GMPR2: variants seen among roughly 807,000 people sequenced by gnomAD.
GMPR2 encodes GMP reductase 2.
GMPR2 carries 32 observed loss-of-function variants against 38.5 expected under a neutral mutation model. The ratio of observed to expected loss-of-function variants is 0.83; its 90% CI spans 0.63 to 1.12. The LOEUF (loss-of-function observed/expected upper bound fraction) is 1.12, where lower values mean the gene tolerates loss of function less well. Among genes scored for constraint, GMPR2 ranks in the 50% most tolerant of loss-of-function variants. The pLI, the probability that GMPR2 is intolerant of heterozygous loss-of-function variation, is 0.00. For synonymous variants in GMPR2, 154 were observed against 151.0 expected (o/e 1.02, Z -0.15); for missense variants, 396 against 432.1 (o/e 0.92, Z 0.74).
intron 5 of GMPR2, among the ~76,000 whole-genome samples, chr14:24,236,465 T>A (rs890969300): frequency 3.3e-5 from 5 of 151,998 alleles, no homozygotes; most frequent in Non-Finnish European, 5.9e-5. Flanking sequence ...TAAAAAGGGG[T>A]CACATGAATA....
chr14:24,234,025 T>A (rs2040213569), intron 3 of GMPR2: 6 of 1,076,176 alleles, frequency 5.6e-6, no homozygotes, highest in African/African-American at 1.6e-5. Flanking sequence ...GAGAAGCAGC[T>A]TATTAATTTT....
upstream of GMPR2, chr14:24,232,920 T>A: frequency 2.3e-6 from 1 of 439,574 alleles, no homozygotes. Flanking sequence ...TTCGTTCCCC[T>A]AAATCAGCCT....
intron 7 of GMPR2, 61 bp downstream of exon 7, chr14:24,237,412 A>T: frequency 2.4e-5 from 35 of 1,475,922 alleles, no homozygotes; most frequent in Non-Finnish European, 3.1e-5. Context: ...GAGGTGGCAG[A>T]GATGGATTAG....
chr14:24,237,364 G>A lies in GMPR2; in HGVS notation c.654+13G>A, dbSNP rs1179745907. On this transcript the variant is annotated intron_variant, in intron 7 of 9. Transcript: ENST00000399440. Reference sequence around the variant, plus strand: ...CCACATCATTTCAGTAAGGCTCAAGGGCAGGGTAGGGTATGAGCGGGGTTT... The same window carrying A: ...CCACATCATTTCAGTAAGGCTCAAGAGCAGGGTAGGGTATGAGCGGGGTTT... 6.5e-7 allele frequency: 1 copy of A among 1,545,170 alleles called. No homozygotes were observed. Among genetic ancestry groups the A allele is most frequent in the South Asian group, 1.1e-5 (1 of 89,628 alleles).
chr14:24,233,607 T>G lies in GMPR2; in HGVS notation c.207+9T>G, dbSNP rs535430648. The G allele has an allele frequency of 2.5e-6, 4 of 1,614,116 alleles. No individual in the cohort carries two copies. The South Asian group carries it at 3.3e-5, about 13-fold the overall frequency. On this transcript the variant is annotated intron_variant, in intron 3 of 9. Transcript: ENST00000399440. ...CCAAGGTTCTCTGTAAGGTAGGGCT[T>G]TCCTCATGCCCCATCCCTATTGGTG... is the stretch of plus-strand genomic sequence containing the variant.
Position 24,233,517 on chromosome 14 carries a change from G to A in GMPR2, c.126G>A (p.Lys42=), listed in dbSNP as rs1230595375. The A allele has an allele frequency of 6.2e-7, 1 of 1,614,076 alleles. No individual in the cohort carries two copies. The highest frequency in any genetic ancestry group is 1.1e-5 in the South Asian group (1 of 91,084). ...GATCCTTTTCATTTCGGAACTCAAA[G>A]CAGACATACTCTGGGGTTCCCATCA... The part of the protein sequence containing the change: ...LTRSFSFRNS[K]QTYSGVPIIA... The change falls in exon 3 of 10, where the codon AAG becomes AAA. Residue 42 remains lysine, a synonymous_variant. Coordinates refer to ENST00000399440, the MANE Select transcript of GMPR2 (RefSeq NM_001002002.3).
At chr14:24,233,423 A>G in intron 2 of GMPR2, 56 bp from the exon 3 acceptor site, 1 of 1,608,920 alleles carries the variant, frequency 6.2e-7, no homozygotes, top group Non-Finnish European at 8.5e-7. Context: ...TCCTTGTCCT[A>G]ATATGGTACG....
intron 8 of GMPR2, 24 bp downstream of exon 8, chr14:24,237,586 G>A: frequency 1.9e-6 from 3 of 1,607,358 alleles, no homozygotes; most frequent in Admixed American, 1.7e-5. Context: ...GGGCACAGAA[G>A]GATGATTCTA....
chr14:24,238,533 T>C, intron 9 of GMPR2, 56 bp from the exon 10 acceptor site: 1 of 1,613,934 alleles, frequency 6.2e-7, no homozygotes, highest in Non-Finnish European at 8.5e-7. Flanking sequence ...TGTGGAAAAG[T>C]CCCTGGGCTT....
At chr14:24,237,996 G>A in intron 8 of GMPR2, 1 of 489,284 alleles carries the variant, frequency 2.0e-6, no homozygotes, top group Non-Finnish European at 3.6e-6. Context: ...AACAGCAAAA[G>A]GAGAAAGCAA....
At chr14:24,235,689 C>A (rs141394773) in intron 3 of GMPR2, 48 bp from the exon 4 acceptor site, 3 of 1,241,384 alleles carry the variant, frequency 2.4e-6, no homozygotes, top group South Asian at 1.2e-5. Flanking sequence ...AGAAAAGAGA[C>A]CTTAATAAAG....
At chr14:24,233,157 C>A in intron 1 of GMPR2, 62 bp from the exon 2 acceptor site, 1 of 1,608,402 alleles carries the variant, frequency 6.2e-7, no homozygotes, top group Non-Finnish European at 8.5e-7. Flanking sequence ...GAGAGGCCAC[C>A]AGCCGTAACA....
Position 24,236,356 on chromosome 14 carries a change from CCTGATGTCA to C in GMPR2, c.465+219_465+227del, listed in dbSNP as rs566007671. ...TCATAGTCTTTGTAAATCTGATGTC[CCTGATGTCA>C]CTCACCAAACCATGATGGAACATCT... On this transcript the variant is annotated intron_variant, in intron 5 of 9. Coordinates refer to ENST00000399440, the MANE Select transcript of GMPR2 (RefSeq NM_001002002.3). Among the ~76,000 whole-genome samples the C allele has an allele frequency of 4.2e-4, 64 of 152,238 alleles. 2 individuals are homozygous for C. In the South Asian group the frequency reaches 0.013, roughly 31 times the overall value.
At position 24,238,291 on chromosome 14, in the gene GMPR2, A is replaced by C. The variant is rs773010496; in HGVS notation, c.743A>C (p.His248Pro). Residue 248 changes from histidine to proline, a missense_variant, in exon 9 of 10, where the codon CAC (histidine) becomes CCC (proline). His to Pro is a moderately conservative substitution (Grantham distance 77). Transcript: ENST00000399440. ...ATGCTGGGTGGCATGCTGGCTGGGC[A>C]CAGTGAGTCAGGTGGTGAGCTCATC... ...FVMLGGMLAG[H>P]SESGGELIER... The C allele has an allele frequency of 6.2e-7, 1 of 1,614,052 alleles. No homozygotes were observed. Among genetic ancestry groups the C allele is most frequent in the South Asian group, 1.1e-5 (1 of 91,072 alleles).
intron 9 of GMPR2, 67 bp downstream of exon 9, chr14:24,238,472 A>G: frequency 6.2e-7 from 1 of 1,613,948 alleles, no homozygotes; most frequent in Non-Finnish European, 8.5e-7. Flanking sequence ...TGAGAGGGGG[A>G]TGGTACAGTT....
chr14:24,236,151 A>G lies in GMPR2; in HGVS notation c.465+11A>G. On this transcript the variant is annotated intron_variant, in intron 5 of 9. Coordinates refer to ENST00000399440, the MANE Select transcript of GMPR2 (RefSeq NM_001002002.3). ...CAGCACACCATCATGGTATGTTTCT[A>G]TTACAGTCGGTACCTTTTTATCTTT... 1.9e-6 allele frequency: 3 copies of G among 1,607,400 alleles called. No individual in the cohort carries two copies. The highest frequency in any genetic ancestry group is 2.7e-5 in the African/African-American group (2 of 74,862).
chr14:24,234,789 C>T (rs147121729), intron 3 of GMPR2, among the ~76,000 whole-genome samples: 2 of 152,356 alleles, frequency 1.3e-5, no homozygotes, highest in Non-Finnish European at 2.9e-5. Flanking sequence ...GACTTCCTAT[C>T]CTATGGTGAC....
chr14:24,236,862 C>T, intron 5 of GMPR2: 1 of 525,476 alleles, frequency 1.9e-6, no homozygotes, highest in Non-Finnish European at 3.4e-6. Context: ...GCCACTCACT[C>T]CTACCTTGGC....
At chr14:24,233,188 A>G (rs1233600409) in intron 1 of GMPR2, 31 bp from the exon 2 acceptor site, 1 of 1,612,616 alleles carries the variant, frequency 6.2e-7, no homozygotes, top group South Asian at 1.1e-5. Flanking sequence ...GCCCAGGGGA[A>G]GATTGGTCCT....
Sources: allele counts gnomAD v4.1 joint callset (sites outside exome capture counted in the v4.1 genomes callset), GRCh38; gene constraint gnomAD v4.1.1; transcripts MANE v1.5; gene names NCBI Gene and HGNC (gene_info 2026-07-23, HGNC 2026-07-21).